ADAM32: variants seen among roughly 807,000 people sequenced by gnomAD.
The protein encoded by ADAM32 is ADAM metallopeptidase domain 32.
Under a neutral mutation model 114.9 loss-of-function variants are expected in ADAM32, and 89 were observed. That is an observed-to-expected ratio of 0.77 (90% CI 0.65 to 0.92). ADAM32 has a LOEUF of 0.92. Ranked by LOEUF, ADAM32 falls within the 40% of genes least tolerant of loss-of-function variation. The pLI, the probability that ADAM32 is intolerant of heterozygous loss-of-function variation, is 0.00. For missense variants in ADAM32, 870 were observed against 932.8 expected (o/e 0.93, Z 0.88); for synonymous variants, 285 against 307.5 (o/e 0.93, Z 0.77).
chr8:39,165,047 AG>A lies in ADAM32; in HGVS notation c.685del (p.Val229LeufsTer31). ...LANSMFTQFK[V>X]TIVLSSLELW... ...GTTTTTAGATGTTCACCCAATTTAAAGTTACTATTGTGCTGTCATCATTGGA... is the reference window on the plus strand; with the variant it reads ...GTTTTTAGATGTTCACCCAATTTAAATTACTATTGTGCTGTCATCATTGGA... On this transcript the variant is annotated frameshift_variant, in exon 9 of 25. Transcript: ENST00000379907. LOFTEE classifies it high-confidence loss of function. The A allele has an allele frequency of 3.1e-6, 5 of 1,599,368 alleles. No individual in the cohort carries two copies. Among genetic ancestry groups the A allele is most frequent in the Non-Finnish European group, 4.3e-6 (5 of 1,173,674 alleles).
intron 21 of ADAM32, among the ~76,000 whole-genome samples, chr8:39,274,608 A>G (rs551353490): frequency 8.2e-4 from 125 of 152,210 alleles, no homozygotes; most frequent in Non-Finnish European, 1.4e-3. Flanking sequence ...GACATGTATA[A>G]TTAGTAAAGA....
At chr8:39,193,435 G>A (rs1806733066) in intron 11 of ADAM32, among the ~76,000 whole-genome samples, 1 of 152,140 alleles carries the variant, frequency 6.6e-6, no homozygotes, top group Non-Finnish European at 1.5e-5. Context: ...ACTTGAATTG[G>A]GTTCAATGTT....
chr8:39,270,023 A>G (rs1812612274), intron 19 of ADAM32, among the ~76,000 whole-genome samples: 1 of 143,672 alleles, frequency 7.0e-6, no homozygotes, highest in African/African-American at 2.5e-5. Flanking sequence ...ATCTCATGAG[A>G]ACTCATTCAC....
At chr8:39,130,190 A>C (rs1267566255) in intron 2 of ADAM32, 5 of 154,928 alleles carry the variant, frequency 3.2e-5, no homozygotes, top group Non-Finnish European at 7.2e-5. Flanking sequence ...CCTGACGTCA[A>C]GTGATCTGCC....
chr8:39,202,496 C>T (rs564963012), intron 11 of ADAM32, among the ~76,000 whole-genome samples: 328 of 151,948 alleles, frequency 2.2e-3, no homozygotes, highest in Middle Eastern at 3.4e-3. Context: ...TTTTTTATTG[C>T]GTCTATTTGA....
intron 16 of ADAM32, among the ~76,000 whole-genome samples, chr8:39,243,562 T>C (rs915636181): frequency 7.9e-5 from 12 of 152,120 alleles, no homozygotes; most frequent in Non-Finnish European, 1.2e-4. Flanking sequence ...AGAAAAAGCA[T>C]TTGACAAAAT....
intron 16 of ADAM32, among the ~76,000 whole-genome samples, chr8:39,243,322 A>G (rs1428833026): frequency 6.6e-6 from 1 of 152,218 alleles, no homozygotes. Context: ...CCAGGAAACG[A>G]AAGAACAAAA....
chr8:39,241,035 T>C (rs751873252), intron 16 of ADAM32, among the ~76,000 whole-genome samples: 1 of 152,180 alleles, frequency 6.6e-6, no homozygotes, highest in Non-Finnish European at 1.5e-5. Context: ...TAGGTATTGA[T>C]AAATACAGCC....
intron 14 of ADAM32, among the ~76,000 whole-genome samples, chr8:39,230,157 T>C (rs146212275): frequency 1.1e-4 from 16 of 152,332 alleles, no homozygotes; most frequent in African/African-American, 3.8e-4. Context: ...GGGGATCTAA[T>C]TACACCATTT....
At chr8:39,279,774 G>A (rs1327256462) in intron 22 of ADAM32, among the ~76,000 whole-genome samples, 2 of 151,968 alleles carry the variant, frequency 1.3e-5, no homozygotes, top group Non-Finnish European at 2.9e-5. Context: ...TATATTATCT[G>A]TTGATCTTGA....
At chr8:39,168,572 T>A (rs1429240384) in intron 9 of ADAM32, 1 of 152,166 alleles carries the variant, frequency 6.6e-6, no homozygotes, top group Admixed American at 6.5e-5. Flanking sequence ...CATGAAAACT[T>A]TTACATTTCA....
In ADAM32 at chr8:39,229,685, T is replaced by C. The variant is rs1809607826; in HGVS notation, c.1526-2342T>C. 3.3e-5 allele frequency among the ~76,000 whole-genome samples: 5 copies of C among 152,198 alleles called. No homozygotes were observed. The South Asian group carries it at 1.0e-3, about 32-fold the overall frequency. On this transcript the variant is annotated intron_variant, in intron 14 of 24. Coordinates refer to ENST00000379907, the MANE Select transcript of ADAM32 (RefSeq NM_145004.7). ...ACATATATGCACCTATCACTGGAGT[T>C]CCCAAATTTATAAAACAATTACTAA...
At chr8:39,244,402 T>A (rs114049599) in intron 16 of ADAM32, among the ~76,000 whole-genome samples, 8,195 of 152,232 alleles carry the variant, frequency 0.054, 756 homozygotes, top group African/African-American at 0.19. Context: ...CAAACTATGC[T>A]ACCAGGCTAT....
At chr8:39,113,548 G>A (rs1402033695) in intron 1 of ADAM32, among the ~76,000 whole-genome samples, 1 of 152,092 alleles carries the variant, frequency 6.6e-6, no homozygotes, top group Non-Finnish European at 1.5e-5. Context: ...ACTATGCAAG[G>A]TGTAGCCACT....
At chr8:39,243,181 T>C (rs1380870134) in intron 16 of ADAM32, among the ~76,000 whole-genome samples, 2 of 152,164 alleles carry the variant, frequency 1.3e-5, no homozygotes, top group East Asian at 1.9e-4. Context: ...TTGGATGGAT[T>C]CATACCTGAA....
chr8:39,201,069 CT>C (rs1296714292), intron 11 of ADAM32, among the ~76,000 whole-genome samples: 1 of 152,116 alleles, frequency 6.6e-6, no homozygotes, highest in Non-Finnish European at 1.5e-5. Flanking sequence ...ATGCCTCCAG[CT>C]TTGTTCTTTT....
At chr8:39,189,568 AT>A (rs1806467666) in intron 11 of ADAM32, among the ~76,000 whole-genome samples, 1 of 152,190 alleles carries the variant, frequency 6.6e-6, no homozygotes, top group Non-Finnish European at 1.5e-5. Context: ...AAATCAGGGT[AT>A]TTAGAATATC....
chr8:39,136,088 C>T (rs1177538348), intron 2 of ADAM32, among the ~76,000 whole-genome samples: 1 of 152,056 alleles, frequency 6.6e-6, no homozygotes, highest in Non-Finnish European at 1.5e-5. Context: ...CACGTGTTCC[C>T]TTTTGCTCTA....
In ADAM32 at chr8:39,233,995, T is replaced by G; in HGVS notation, c.1731T>G (p.Ser577=). 6.4e-7 allele frequency: 1 copy of G among 1,572,198 alleles called. No homozygotes were observed. The highest frequency in any genetic ancestry group is 8.6e-7 in the Non-Finnish European group (1 of 1,156,682). ...TGATTTATGCTTTCGTACGAGATTCTGTATGCATAACTGTAGACTACAAAT... is the reference window on the plus strand; with the variant it reads ...TGATTTATGCTTTCGTACGAGATTCGGTATGCATAACTGTAGACTACAAAT... ...GDVIYAFVRD[S]VCITVDYKLP... Residue 577 remains serine (S), a synonymous_variant, in exon 16 of 25, where the codon TCT becomes TCG. Transcript: ENST00000379907.
Sources: gnomAD v4.1 joint callset for allele counts (sites outside exome capture counted in the v4.1 genomes callset) on GRCh38, gnomAD v4.1.1 for gene constraint, MANE v1.5 for transcripts, NCBI Gene and HGNC (gene_info 2026-07-23, HGNC 2026-07-21) for gene names.